The following ULK1 variants were observed in gnomAD, a reference collection of about 807,000 sequenced individuals.
ULK1 encodes serine/threonine-protein kinase ULK1.
In ULK1, 48 loss-of-function variants were observed where a neutral mutation model predicts 117.5. The ratio of observed to expected loss-of-function variants is 0.41; its 90% confidence interval spans 0.32 to 0.52. The LOEUF (loss-of-function observed/expected upper bound fraction) is 0.52, where lower values mean the gene tolerates loss of function less well. ULK1 is among the 20% of genes least tolerant of loss of function. The probability of loss-of-function intolerance (pLI) is 0.29; values close to 1 mark genes in which losing one functional copy is unlikely to be tolerated. For synonymous variants in ULK1, 790 were observed against 637.8 expected (o/e 1.24, Z -3.60); for missense variants, 1,387 against 1,473.4 (o/e 0.94, Z 0.96).
intron 10 of ULK1, 102 bp from the exon 11 acceptor site, chr12:131,910,152 G>A (rs1053112160): frequency 8.1e-5 from 127 of 1,575,324 alleles, no homozygotes; most frequent in Non-Finnish European, 1.0e-4. Flanking sequence ...ACCTCCGCCC[G>A]GGCAGGTGCC....
rs569368807 is a variant in ULK1, at chr12:131,896,597, G to A, written c.246+773G>A. The A allele has an allele frequency of 1.7e-3, 257 of 152,622 alleles. 1 individual carries two copies. Among genetic ancestry groups the A allele is most frequent in the Non-Finnish European group, 2.1e-3 (144 of 68,226 alleles). The allele number at this position is 152,622 out of a possible 1,614,324, so 9.5% of individuals were successfully genotyped here. A position where few individuals can be genotyped will look rare whatever the true frequency, so the allele number is the denominator to read the frequency against. ...TGGCCTCCTCCGTCCGCCTCTCAGA[G>A]CTTTGCTGTGGCCTTGGGGACCGAG... On this transcript the variant is annotated intron_variant, in intron 3 of 27. Transcript: ENST00000321867.
rs1395102531 is a variant in ULK1, at chr12:131,916,075, C to T, written c.1794C>T (p.Ser598=). Residue 598 remains serine, a synonymous_variant, in exon 19 of 28, where the codon TCC becomes TCT. Coordinates refer to ENST00000321867, the MANE Select transcript of ULK1 (RefSeq NM_003565.4). ...SPPQPSHGLQ[S]CRNLRGSPKL... ...CCCAGCCGTCCCACGGCCTGCAGTC[C>T]TGCCGGAACCTGCGGGGCTCACCCA... is the stretch of plus-strand genomic sequence containing the variant. 2.5e-6 allele frequency: 4 copies of T among 1,612,560 alleles called. No individual in the cohort carries two copies. The highest frequency in any genetic ancestry group is 3.4e-6 in the Non-Finnish European group (4 of 1,179,870).
intron 17 of ULK1, 33 bp from the exon 18 acceptor site, chr12:131,915,302 G>A: frequency 6.2e-7 from 1 of 1,611,958 alleles, no homozygotes; most frequent in Non-Finnish European, 8.5e-7. Context: ...CTCTGTCCCA[G>A]CTGGACCCTG....
At chr12:131,919,424 T>G in intron 24 of ULK1, 40 bp downstream of exon 24, 1 of 1,576,454 alleles carries the variant, frequency 6.3e-7, no homozygotes, top group South Asian at 1.1e-5. Flanking sequence ...GGTGGTGGCC[T>G]GGGGGCCAGG....
Position 131,921,104 on chromosome 12 carries a change from A to G in ULK1, c.2966A>G (p.Gln989Arg). Reference protein sequence around the residue: ...LIFSHAVQMVQSAALDEMFQH... With the variant: ...LIFSHAVQMVRSAALDEMFQH... ...AGCCTCTGTCCTCGCCCCCAGGTGCAGTCGGCTGCCCTGGACGAGATGTTC... is the reference window on the plus strand; with the variant it reads ...AGCCTCTGTCCTCGCCCCCAGGTGCGGTCGGCTGCCCTGGACGAGATGTTC... Residue 989 changes from glutamine to arginine, a missense_variant, in exon 27 of 28, where the codon CAG (glutamine) becomes CGG (arginine). Gln to Arg is a conservative substitution (Grantham distance 43, BLOSUM62 1). Transcript: ENST00000321867. 1.3e-6 allele frequency: 2 copies of G among 1,592,366 alleles called. No homozygotes were observed. The highest frequency in any genetic ancestry group is 1.7e-4 in the Middle Eastern group (1 of 5,954).
At chr12:131,906,990 A>G in intron 4 of ULK1, 66 bp downstream of exon 4, 1 of 1,603,142 alleles carries the variant, frequency 6.2e-7, no homozygotes, top group South Asian at 1.1e-5. Context: ...CCCCACAGGG[A>G]GGGACATGGC....
At chr12:131,916,836 C>A in intron 20 of ULK1, 117 bp from the exon 21 acceptor site, 1 of 1,064,022 alleles carries the variant, frequency 9.4e-7, no homozygotes, top group Non-Finnish European at 1.3e-6. Context: ...GCGCCTGCCT[C>A]TCGAGGTGGG....
rs368645618 is a variant in ULK1, at chr12:131,919,280, C to T, written c.2580C>T (p.Ile860=). The T allele has an allele frequency of 3.0e-5, 48 of 1,598,738 alleles. No individual in the cohort carries two copies. The highest frequency in any genetic ancestry group is 1.3e-4 in the Admixed American group (8 of 59,584). Residue 860 remains isoleucine (I), a synonymous_variant, in exon 24 of 28, where the codon ATC becomes ATT. Transcript: ENST00000321867. ...TLLFVQHVLE[I]AALKGSASEA... The stretch of plus-strand genomic sequence containing the variant: ...TGTTCGTGCAGCACGTCCTGGAGAT[C>T]GCAGCCCTGAAGGGCAGCGCCAGTG...
At chr12:131,919,887 C>A (rs955468812) in intron 25 of ULK1, 92 bp from the exon 26 acceptor site, 2 of 1,501,174 alleles carry the variant, frequency 1.3e-6, no homozygotes, top group East Asian at 2.3e-5. Flanking sequence ...GAGGGAGGGA[C>A]GTGCTCGCTC....
chr12:131,907,076 C>T, intron 4 of ULK1, 152 bp downstream of exon 4: 1 of 1,066,576 alleles, frequency 9.4e-7, no homozygotes, highest in Non-Finnish European at 1.4e-6. Flanking sequence ...GAGTGCAGTG[C>T]TGCGATCTCA....
intron 3 of ULK1, among the ~76,000 whole-genome samples, chr12:131,898,648 C>T (rs1241643717): frequency 6.6e-6 from 1 of 151,158 alleles, no homozygotes; most frequent in Non-Finnish European, 1.5e-5. Context: ...ATTACAGGCG[C>T]CTGCCACCAC....
intron 3 of ULK1, chr12:131,897,375 T>TCGAGGCTAGAGTCCC (rs1888916516): frequency 6.6e-6 from 1 of 152,072 alleles, no homozygotes; most frequent in Non-Finnish European, 1.5e-5. Flanking sequence ...GCTAGAGTCC[T>TCGAGGCTAGAGTCCC]GCCCCCGATC....
chr12:131,908,900 G>A lies in ULK1; in HGVS notation c.493G>A (p.Asp165Asn). The change falls in exon 7 of 28, where the codon GAC (aspartate) becomes AAC (asparagine). Residue 165 changes from aspartate (D) to asparagine (N), a missense_variant and splice_region_variant. Physicochemically the swap from Asp to Asn is conservative, Grantham distance 23 (BLOSUM62 1). This residue lies in a region of ULK1 where 224 missense variants were observed against 325.2 expected (regional missense o/e 0.69). Transcript: ENST00000321867. ...NPNSIRVKIA[D>N]FGFARYLQSN... ...GTCCTGACGCTTCTCTCCCGCAGCT[G>A]ACTTCGGCTTCGCGCGGTACCTCCA... is the stretch of plus-strand genomic sequence containing the variant. 1 of 1,610,778 alleles carries A rather than the reference G, an allele frequency of 6.2e-7. No individual in the cohort carries two copies. Among genetic ancestry groups the A allele is most frequent in the Non-Finnish European group, 8.5e-7 (1 of 1,179,724 alleles).
At chr12:131,900,656 C>T (rs1425836010) in intron 3 of ULK1, among the ~76,000 whole-genome samples, 1 of 152,260 alleles carries the variant, frequency 6.6e-6, no homozygotes, top group East Asian at 1.9e-4. Context: ...GCCAGCACGC[C>T]ATCTGACAGG....
rs113753956 is a variant in ULK1, at chr12:131,908,068, C to A, written c.316+537C>A. 4.4e-3 allele frequency among the ~76,000 whole-genome samples: 646 copies of A among 147,166 alleles called. 5 individuals carry two copies. In the Middle Eastern group the frequency reaches 0.055, roughly 12 times the overall value. ...GTCTGGAGGTGGCTCTGGGACAGTTCCGGGGACTTGGGCCTGAGCACCCGG... is the reference window on the plus strand; with the variant it reads ...GTCTGGAGGTGGCTCTGGGACAGTTACGGGGACTTGGGCCTGAGCACCCGG... On this transcript the variant is annotated intron_variant, in intron 5 of 27. Transcript: ENST00000321867.
In ULK1 at chr12:131,911,926, C is replaced by G; in HGVS notation, c.949-16C>G. ...GTCCCTGAGACCTGCTCACCAGCCC[C>G]TCCGTTGACTCTCAGTCCCTGGGCG... On this transcript the variant is annotated splice_polypyrimidine_tract_variant and intron_variant, in intron 12 of 27. Transcript: ENST00000321867. 6.2e-7 allele frequency: 1 copy of G among 1,612,714 alleles called. No individual in the cohort carries two copies. The highest frequency in any genetic ancestry group is 8.5e-7 in the Non-Finnish European group (1 of 1,179,908).
intron 3 of ULK1, among the ~76,000 whole-genome samples, chr12:131,905,429 C>T (rs1373848409): frequency 1.3e-5 from 2 of 152,020 alleles, no homozygotes; most frequent in Admixed American, 1.3e-4. Flanking sequence ...GAGGGGTGTT[C>T]CTCCTGCAGA....
chr12:131,900,421 C>T (rs1342411642), intron 3 of ULK1, among the ~76,000 whole-genome samples: 11 of 152,174 alleles, frequency 7.2e-5, no homozygotes, highest in Non-Finnish European at 1.3e-4. Flanking sequence ...CCTTGGGTCA[C>T]GCTCTTTGAG....
In ULK1 at chr12:131,895,404, G is replaced by A. The variant is rs553480262; in HGVS notation, c.112-197G>A. Among the ~76,000 whole-genome samples, 104 of 151,564 alleles carry A rather than the reference G, an allele frequency of 6.9e-4. 1 individual carries two copies. The highest frequency in any genetic ancestry group is 2.5e-3 in the African/African-American group (102 of 41,278). On this transcript the variant is annotated intron_variant, in intron 1 of 27. Transcript: ENST00000321867. Reference sequence around the variant, plus strand: ...CTCACCCCGGGACACCCCGCAACCTGGTCCCACAGCCGGCTTTCGAGGCTG... The same window carrying A: ...CTCACCCCGGGACACCCCGCAACCTAGTCCCACAGCCGGCTTTCGAGGCTG...
Sources: gnomAD v4.1 joint callset for allele counts (sites outside exome capture counted in the v4.1 genomes callset) on GRCh38, gnomAD v4.1.1 for gene constraint, gnomAD v4.1.1 regional missense constraint, MANE v1.5 for transcripts, NCBI Gene and HGNC (gene_info 2026-07-23, HGNC 2026-07-21) for gene names.